Variants in PSTPIP1 observed in about 807,000 individuals in gnomAD.
PSTPIP1 encodes proline-serine-threonine phosphatase-interacting protein 1.
In PSTPIP1, 66 loss-of-function variants were observed where a neutral mutation model predicts 69.6. That is an observed-to-expected ratio of 0.95 (90% confidence interval 0.78 to 1.16). PSTPIP1 has a LOEUF of 1.16. Among genes scored for constraint, PSTPIP1 ranks in the 50% most tolerant of loss-of-function variants. The pLI is 0.00. For missense variants in PSTPIP1, 603 were observed against 557.4 expected, an observed-to-expected ratio of 1.08 and a Z score of -0.82; for synonymous variants, 266 against 222.7, an observed-to-expected ratio of 1.19 and a Z score of -1.73.
At chr15:77,020,302 G>A (rs1305881270) in intron 3 of PSTPIP1, among the ~76,000 whole-genome samples, 1 of 152,130 alleles carries the variant, frequency 6.6e-6, no homozygotes, top group Non-Finnish European at 1.5e-5. Flanking sequence ...CCTTTGTGTG[G>A]CCCTGGATGG....
chr15:77,025,720 G>C, intron 5 of PSTPIP1, 116 bp downstream of exon 5: 1 of 736,578 alleles, frequency 1.4e-6, no homozygotes, highest in Non-Finnish European at 2.2e-6. Context: ...AGGGGTGGTG[G>C]TGGGACAGCA....
At position 77,027,158 on chromosome 15, in the gene PSTPIP1, C is replaced by G. The variant is rs1206627916; in HGVS notation, c.355-694C>G. Among the ~76,000 whole-genome samples, 1 of 152,226 alleles carries G rather than the reference C, an allele frequency of 6.6e-6. No homozygotes were observed. Among genetic ancestry groups the G allele is most frequent in the Admixed American group, 6.5e-5 (1 of 15,292 alleles). On this transcript the variant is annotated intron_variant, in intron 5 of 14. Coordinates refer to ENST00000558012, the MANE Select transcript of PSTPIP1 (RefSeq NM_003978.5). This position sits in a 1 kb window ranked among gnomAD's most constrained non-coding sequence, Gnocchi z 4.3. Reference sequence around the variant, plus strand: ...TGCCTGTGCCTCGCTGGTCTCCCAGCTGGCACAGAACCCCTCCCCTGAGAC... The same window carrying G: ...TGCCTGTGCCTCGCTGGTCTCCCAGGTGGCACAGAACCCCTCCCCTGAGAC...
intron 1 of PSTPIP1, among the ~76,000 whole-genome samples, chr15:77,010,888 C>T (rs970540049): frequency 4.6e-5 from 7 of 152,138 alleles, no homozygotes; most frequent in African/African-American, 1.4e-4. Context: ...TCAAGTGATC[C>T]ACCCCTCTCA....
intron 14 of PSTPIP1, among the ~76,000 whole-genome samples, chr15:77,036,175 T>G (rs949065259): frequency 6.6e-6 from 1 of 152,134 alleles, no homozygotes; most frequent in Non-Finnish European, 1.5e-5. Flanking sequence ...TCAGTGTGCA[T>G]GTACTGACTG....
chr15:77,025,985 C>T lies in PSTPIP1; in HGVS notation c.354+381C>T, dbSNP rs149651267. 295 of 425,084 alleles carry T rather than the reference C, an allele frequency of 6.9e-4. 1 individual carries two copies. Among genetic ancestry groups the T allele is most frequent in the African/African-American group, 5.7e-3 (284 of 49,868 alleles). The allele number at this position is 425,084 out of a possible 1,614,324, so 26.3% of individuals were successfully genotyped here. On this transcript the variant is annotated intron_variant, in intron 5 of 14. Transcript: ENST00000558012. ...GAGTCCAAGGATCAGGGCTGATTGT[C>T]CTGGAAAAAGGCAGACTTGCAGCCA...
At position 77,035,826 on chromosome 15, in the gene PSTPIP1, C is replaced by A; in HGVS notation, c.1010C>A (p.Thr337Asn). The change falls in exon 14 of 15, where the codon ACC becomes AAC. Residue 337 changes from threonine (T) to asparagine (N), a missense_variant. Transcript: ENST00000558012. ...GCGTCCACAGAGACCCTGACCCCCACCCCCGAGCGGAATGAGGGTGTCTAC... is the reference window on the plus strand; with the variant it reads ...GCGTCCACAGAGACCCTGACCCCCAACCCCGAGCGGAATGAGGGTGTCTAC... ...SAASTETLTP[T>N]PERNEGVYTA... The A allele has an allele frequency of 5.0e-6, 8 of 1,609,564 alleles. No individual in the cohort carries two copies. Among genetic ancestry groups the A allele is most frequent in the Non-Finnish European group, 6.8e-6 (8 of 1,179,628 alleles).
At chr15:77,018,351 C>T (rs981673016) in intron 2 of PSTPIP1, 103 bp downstream of exon 2, 2 of 1,534,640 alleles carry the variant, frequency 1.3e-6, no homozygotes, top group Non-Finnish European at 1.8e-6. Flanking sequence ...CAAACTCTGT[C>T]AGAACACGCC....
chr15:77,035,068 C>T (rs973996018), intron 12 of PSTPIP1, among the ~76,000 whole-genome samples: 1 of 152,234 alleles, frequency 6.6e-6, no homozygotes, highest in Non-Finnish European at 1.5e-5. Flanking sequence ...GTGCACCCCC[C>T]ACCCCTACCC....
rs2076408513 is a variant in PSTPIP1, at chr15:77,031,221, C to T, written c.684C>T (p.Arg228=). The T allele has an allele frequency of 1.9e-6, 3 of 1,613,168 alleles. No homozygotes were observed. Among genetic ancestry groups the T allele is most frequent in the South Asian group, 2.2e-5 (2 of 91,070 alleles). Residue 228 remains arginine (R), a synonymous_variant, in exon 10 of 15, where the codon CGC becomes CGT. Coordinates refer to ENST00000558012, the MANE Select transcript of PSTPIP1 (RefSeq NM_003978.5). ...AGTTTGACCGGCTGACCATTCTCCG[C>T]AACGCCCTGTGGGTGCACAGCAACC... is the stretch of plus-strand genomic sequence containing the variant. ...LQEFDRLTIL[R]NALWVHSNQL... is the part of the protein sequence containing the mutation.
At chr15:77,031,046 A>G in intron 9 of PSTPIP1, 134 bp from the exon 10 acceptor site, 1 of 826,304 alleles carries the variant, frequency 1.2e-6, no homozygotes, top group Non-Finnish European at 1.9e-6. Flanking sequence ...ACCCCAGGGC[A>G]CTCTCTCCTT....
chr15:77,009,874 G>A lies in PSTPIP1; in HGVS notation c.37-8274G>A, dbSNP rs116398198. ...CTCCCCTGGGACATCCCTGGCAGGC[G>A]TAGGTGGTGTGGGAGGGCAATGCCT... On this transcript the variant is annotated intron_variant, in intron 1 of 14. Coordinates refer to ENST00000558012, the MANE Select transcript of PSTPIP1 (RefSeq NM_003978.5). Among the ~76,000 whole-genome samples the A allele has an allele frequency of 6.6e-3, 1,010 of 152,340 alleles. 5 individuals carry two copies. The highest frequency in any genetic ancestry group is 0.023 in the African/African-American group (972 of 41,576).
intron 1 of PSTPIP1, among the ~76,000 whole-genome samples, chr15:77,003,407 T>A (rs1470358034): frequency 6.6e-6 from 1 of 152,112 alleles, no homozygotes; most frequent in African/African-American, 2.4e-5. Context: ...GGAAATCGGC[T>A]TCTTGGGAGG....
chr15:77,015,785 C>A, intron 1 of PSTPIP1: 2 of 385,012 alleles, frequency 5.2e-6, no homozygotes, highest in Non-Finnish European at 1.1e-5. Flanking sequence ...TGGGAGGCAT[C>A]GTGAGCAGCC....
chr15:77,006,964 T>C (rs1348625765), intron 1 of PSTPIP1, among the ~76,000 whole-genome samples: 1 of 152,192 alleles, frequency 6.6e-6, no homozygotes, highest in East Asian at 1.9e-4. Flanking sequence ...TCCCTTTTTA[T>C]AGGTGAGGAG....
At chr15:77,029,662 A>G (rs2076369009) in intron 8 of PSTPIP1, 88 bp downstream of exon 8, 10 of 1,383,282 alleles carry the variant, frequency 7.2e-6, no homozygotes, top group African/African-American at 2.9e-5. Context: ...GGACACACAC[A>G]CTCCCCCTGG....
At chr15:77,026,755 C>A (rs1352810027) in intron 5 of PSTPIP1, among the ~76,000 whole-genome samples, 4 of 152,228 alleles carry the variant, frequency 2.6e-5, no homozygotes, top group Admixed American at 6.5e-5. Context: ...GAAGCCAGCC[C>A]AGGCTTGAGG....
chr15:77,008,172 GC>G (rs2075858162), intron 1 of PSTPIP1: 1 of 404,904 alleles, frequency 2.5e-6, no homozygotes, highest in Non-Finnish European at 5.0e-6. Context: ...GGTCTGCACA[GC>G]ACAGGGAAGC....
At chr15:77,002,648 A>G (rs1266130958) in intron 1 of PSTPIP1, among the ~76,000 whole-genome samples, 1 of 152,186 alleles carries the variant, frequency 6.6e-6, no homozygotes, top group East Asian at 1.9e-4. Context: ...AGAAGATTGC[A>G]GAGGTTTGTG....
rs1555673709 is a variant in PSTPIP1 at position 77,000,460 on chromosome 15, G to GAGATAT, written c.36+4852_36+4853insGATATA. 2.3e-3 allele frequency among the ~76,000 whole-genome samples: 321 copies of GAGATAT among 141,768 alleles called. 4 individuals are homozygous for GAGATAT. Among genetic ancestry groups the GAGATAT allele is most frequent in the African/African-American group, 7.9e-3 (299 of 38,030 alleles). The allele number at this position is 141,768 out of a possible 152,430, so 93.0% of individuals were successfully genotyped here. A position where few individuals can be genotyped will look rare whatever the true frequency, so the allele number is the denominator to read the frequency against. On this transcript the variant is annotated intron_variant, in intron 1 of 14. Coordinates refer to ENST00000558012, the MANE Select transcript of PSTPIP1 (RefSeq NM_003978.5). ...GTTCCATCCTGGGCATTTAAAGAGA[G>GAGATAT]ATATATATATATATATACACACACA... is the stretch of plus-strand genomic sequence containing the variant.
Sources: allele counts gnomAD v4.1 joint callset (sites outside exome capture counted in the v4.1 genomes callset), GRCh38; gene constraint gnomAD v4.1.1; non-coding constraint Gnocchi (gnomAD v3.1); transcripts MANE v1.5; gene names NCBI Gene and HGNC (gene_info 2026-07-23, HGNC 2026-07-21).